Variants in LMO7 observed in about 807,000 individuals in gnomAD.
LMO7 encodes LIM domain 7.
In LMO7, 120 loss-of-function variants were observed where a neutral mutation model predicts 206.5. The ratio of observed to expected loss-of-function variants is 0.58; its 90% CI spans 0.50 to 0.68. The LOEUF (loss-of-function observed/expected upper bound fraction) is 0.68, where lower values mean the gene tolerates loss of function less well. Ranked by LOEUF, LMO7 falls within the 30% of genes least tolerant of loss-of-function variation. LMO7 has a pLI of 0.00. For synonymous variants in LMO7, 706 were observed against 681.5 expected (o/e 1.04, Z -0.56); for missense variants, 1,959 against 1,957.9 (o/e 1.00, Z -0.01).
At chr13:75,645,303 A>G (rs985687518) in intron 1 of LMO7, among the ~76,000 whole-genome samples, 1 of 152,194 alleles carries the variant, frequency 6.6e-6, no homozygotes. Context: ...CTCCTTGACT[A>G]GATTGAAATT....
In LMO7 at chr13:75,856,058, A is replaced by T. The variant is rs76396187; in HGVS notation, c.4771-448A>T. Among the ~76,000 whole-genome samples, 4 of 152,276 alleles carry T rather than the reference A, an allele frequency of 2.6e-5. No individual in the cohort carries two copies. In the East Asian group the frequency reaches 7.8e-4, roughly 30 times the overall value. On this transcript the variant is annotated intron_variant, in intron 29 of 30. Transcript: ENST00000377534. ...GAGTTTGGGCACATGGAATCGAAAT[A>T]TCCAGCCTTGAAGTGAGGCGCTGTG...
chr13:75,621,388 T>G (rs1455011033), exon 1 of LMO7: 3 of 164,584 alleles, frequency 1.8e-5, no homozygotes, highest in Non-Finnish European at 3.9e-5. Context: ...TGATTGGAAT[T>G]TTTATCTTTC....
chr13:75,828,266 A>G (rs1461403753), intron 15 of LMO7, among the ~76,000 whole-genome samples: 1 of 152,216 alleles, frequency 6.6e-6, no homozygotes. Context: ...TCTGCAAAGT[A>G]GGTGTATTAT....
intron 21 of LMO7, 75 bp downstream of exon 21, chr13:75,840,185 C>G (rs891255784): frequency 1.4e-5 from 21 of 1,468,282 alleles, no homozygotes; most frequent in African/African-American, 4.2e-5. Context: ...AGCATGCTTA[C>G]CATGATTTTA....
At chr13:75,855,485 T>G in intron 29 of LMO7, 117 bp downstream of exon 29, 1 of 573,106 alleles carries the variant, frequency 1.7e-6, no homozygotes, top group Non-Finnish European at 3.2e-6. Flanking sequence ...TATTCGTCCA[T>G]CTGTGCTGCA....
intron 12 of LMO7, 39 bp from the exon 13 acceptor site, chr13:75,819,354 A>T (rs1422958376): frequency 6.4e-7 from 1 of 1,556,550 alleles, no homozygotes. Context: ...GGTGTATAGA[A>T]ATTCAGGTGT....
At chr13:75,853,913 C>G (rs972483266) in intron 28 of LMO7, among the ~76,000 whole-genome samples, 1 of 152,212 alleles carries the variant, frequency 6.6e-6, no homozygotes, top group African/African-American at 2.4e-5. Flanking sequence ...TCGGATAGAT[C>G]TTGCTTTGGG....
chr13:75,623,616 G>C (rs557083695), intron 2 of LMO7, among the ~76,000 whole-genome samples: 15 of 151,556 alleles, frequency 9.9e-5, no homozygotes, highest in African/African-American at 1.9e-4. Flanking sequence ...ACCCACTTCA[G>C]CCTCCCAAAG....
At chr13:75,681,702 A>ATG (rs1360691041) in intron 1 of LMO7, among the ~76,000 whole-genome samples, 3,520 of 97,728 alleles carry the variant, frequency 0.036, 232 homozygotes, top group Middle Eastern at 0.067. Flanking sequence ...GTATGTATGT[A>ATG]TGTGTATATA....
intron 2 of LMO7, 60 bp from the exon 3 acceptor site, chr13:75,726,969 G>A: frequency 1.1e-6 from 1 of 923,468 alleles, no homozygotes; most frequent in South Asian, 1.3e-5. Context: ...TTTTGAGAAT[G>A]CTAACAAAAA....
intron 1 of LMO7, 147 bp downstream of exon 1, chr13:75,636,873 T>C (rs2035936618): frequency 1.4e-5 from 11 of 782,420 alleles, no homozygotes; most frequent in South Asian, 1.2e-4. Flanking sequence ...TTGTGCACTT[T>C]TGGGGACTCT....
At chr13:75,819,190 T>C (rs1359120959) in intron 12 of LMO7, 1 of 470,920 alleles carries the variant, frequency 2.1e-6, no homozygotes, top group East Asian at 3.5e-5. Context: ...GTCTATCTTA[T>C]TAGGTCAGGT....
chr13:75,712,845 A>G (rs1055611620), intron 1 of LMO7, among the ~76,000 whole-genome samples: 12 of 152,214 alleles, frequency 7.9e-5, no homozygotes, highest in African/African-American at 2.4e-4. Flanking sequence ...TCTTAGTAGA[A>G]TAGATCACCC....
intron 11 of LMO7, among the ~76,000 whole-genome samples, chr13:75,809,726 A>G (rs2056053700): frequency 6.6e-6 from 1 of 152,150 alleles, no homozygotes; most frequent in Non-Finnish European, 1.5e-5. Context: ...ATTCCTGATT[A>G]GGAAAAAAAA....
At chr13:75,761,310 A>C (rs990846633) in intron 4 of LMO7, among the ~76,000 whole-genome samples, 6 of 152,192 alleles carry the variant, frequency 3.9e-5, no homozygotes, top group African/African-American at 1.4e-4. Context: ...TGTGTCCAAC[A>C]TGGTAGTGTT....
At chr13:75,672,010 C>G (rs1235422896) in intron 1 of LMO7, among the ~76,000 whole-genome samples, 2 of 152,048 alleles carry the variant, frequency 1.3e-5, no homozygotes, top group East Asian at 3.9e-4. Flanking sequence ...TTTAAAAATA[C>G]AAATAGAAAC....
In LMO7 at chr13:75,737,008, C is replaced by G. The variant is rs553154741; in HGVS notation, c.210+9910C>G. 5.8e-4 allele frequency among the ~76,000 whole-genome samples: 89 copies of G among 152,278 alleles called. 1 individual carries two copies. The highest frequency in any genetic ancestry group is 1.1e-3 in the Non-Finnish European group (74 of 68,018). On this transcript the variant is annotated intron_variant, in intron 3 of 30. Transcript: ENST00000377534. ...GTGCTATAGGTTGAATTGTTCCCCC[C>G]AACCCCAAAATTAAATATATTGAAG...
chr13:75,630,834 T>G (rs140012821), intron 2 of LMO7, among the ~76,000 whole-genome samples: 4,375 of 152,290 alleles, frequency 0.029, 80 homozygotes, highest in Non-Finnish European at 0.047. Flanking sequence ...TTTTGTATTT[T>G]TAGTAGAGAT....
At position 75,858,857 on chromosome 13, in the gene LMO7, C is replaced by A. The variant is rs962160253; in HGVS notation, c.*914C>A. On this transcript the variant is annotated 3_prime_UTR_variant, in exon 31 of 31. Coordinates refer to ENST00000377534, the MANE Select transcript of LMO7 (RefSeq NM_001306080.2). ...TGACAAATTTTGACATGGTGTATAC[C>A]TTCGAAACTATGCCACAGTCTGGAT... 7 of 152,012 alleles carry A rather than the reference C, an allele frequency of 4.6e-5. No homozygotes were observed. The highest frequency in any genetic ancestry group is 1.7e-4 in the African/African-American group (7 of 41,370). The allele number at this position is 152,012 out of a possible 1,614,324, so 9.4% of individuals were successfully genotyped here.
Sources: allele counts gnomAD v4.1 joint callset (sites outside exome capture counted in the v4.1 genomes callset), GRCh38; gene constraint gnomAD v4.1.1; transcripts MANE v1.5; gene names NCBI Gene and HGNC (gene_info 2026-07-23, HGNC 2026-07-21).